Variants in PDE12 observed in about 807,000 individuals in gnomAD.
PDE12 encodes phosphodiesterase 12.
Under a neutral mutation model 45.4 loss-of-function variants are expected in PDE12, and 26 were observed. The ratio of observed to expected loss-of-function variants is 0.57; its 90% confidence interval spans 0.42 to 0.79. The LOEUF (loss-of-function observed/expected upper bound fraction) is 0.79. Ranked by LOEUF, PDE12 falls within the 30% of genes least tolerant of loss-of-function variation. The pLI is 0.00. For missense variants in PDE12, 668 were observed against 790.0 expected (o/e 0.85, Z 1.85); for synonymous variants, 283 against 323.9 (o/e 0.87, Z 1.36).
chr3:57,629,050 TA>T, the PDE12 span, among the ~76,000 whole-genome samples: 1,995 of 152,348 alleles, frequency 0.013, 48 homozygotes, highest in African/African-American at 0.045. Flanking sequence ...CATAATATTC[TA>T]ATAACTGTTA....
At chr3:57,622,265 A>C in the PDE12 span, among the ~76,000 whole-genome samples, 2 of 152,232 alleles carry the variant, frequency 1.3e-5, no homozygotes, top group East Asian at 1.9e-4. Context: ...CATAATAAGC[A>C]AAAGGTTTGA....
At chr3:57,618,015 A>G in the PDE12 span, among the ~76,000 whole-genome samples, 1 of 152,242 alleles carries the variant, frequency 6.6e-6, no homozygotes, top group Admixed American at 6.5e-5. Context: ...CATTATCCTT[A>G]GCAAATTAAT....
Position 57,565,187 on chromosome 3 carries a change from C to CT in PDE12, c.*5184dup, listed in dbSNP as rs1475522801. On this transcript the variant is annotated 3_prime_UTR_variant, in exon 3 of 3. Transcript: ENST00000311180. ...ATTGTTTGTAGAGATGGGGGTCTCT[C>CT]TATGTTGCCCAGACTGGTCTTAAAC... 2.0e-5 allele frequency: 3 copies of CT among 152,082 alleles called. No individual in the cohort carries two copies. Among genetic ancestry groups the CT allele is most frequent in the Non-Finnish European group, 4.4e-5 (3 of 68,054 alleles). The allele number at this position is 152,082 out of a possible 1,614,324, so 9.4% of individuals were successfully genotyped here. A position where few individuals can be genotyped will look rare whatever the true frequency, so the allele number is the denominator to read the frequency against.
the PDE12 span, chr3:57,641,790 A>G: frequency 6.6e-7 from 1 of 1,508,546 alleles, no homozygotes; most frequent in Non-Finnish European, 9.1e-7. Flanking sequence ...GGTGAGAAAA[A>G]GATGAATGCT....
At chr3:57,569,560 T>C (rs563418823), downstream of PDE12, among the ~76,000 whole-genome samples, 10 of 152,186 alleles carry the variant, frequency 6.6e-5, no homozygotes, top group South Asian at 6.2e-4. Context: ...CCATGTTTGT[T>C]AGTCAGTCTG....
At chr3:57,569,352 T>TTTA (rs547476547), downstream of PDE12, among the ~76,000 whole-genome samples, 7 of 151,974 alleles carry the variant, frequency 4.6e-5, no homozygotes, top group East Asian at 1.9e-4. Context: ...TTGCTAATAC[T>TTTA]TTATTATTAT....
chr3:57,598,358 C>T, the PDE12 span: 1 of 152,162 alleles, frequency 6.6e-6, no homozygotes, highest in African/African-American at 2.4e-5. Flanking sequence ...GAAAAACTTG[C>T]AAACTTTCAG....
chr3:57,646,227 C>A, the PDE12 span: 1 of 1,499,530 alleles, frequency 6.7e-7, no homozygotes, highest in South Asian at 1.3e-5. Flanking sequence ...AAAAATACGA[C>A]AGGTGGGAAG....
At chr3:57,596,697 G>A in the PDE12 span, 1 of 230,364 alleles carries the variant, frequency 4.3e-6, no homozygotes, top group Non-Finnish European at 8.8e-6. Flanking sequence ...CCTGACCGCT[G>A]TCCACACCCG....
At chr3:57,637,723 C>A in the PDE12 span, among the ~76,000 whole-genome samples, 1 of 136,210 alleles carries the variant, frequency 7.3e-6, no homozygotes. Context: ...ATGACTATGA[C>A]ACCAAATATA....
chr3:57,580,185 A>G, the PDE12 span, among the ~76,000 whole-genome samples: 1 of 152,094 alleles, frequency 6.6e-6, no homozygotes, highest in South Asian at 2.1e-4. Flanking sequence ...ATCTTATACT[A>G]CTTGTTATAT....
At chr3:57,595,803 T>A in the PDE12 span, among the ~76,000 whole-genome samples, 1 of 151,794 alleles carries the variant, frequency 6.6e-6, no homozygotes, top group Non-Finnish European at 1.5e-5. Context: ...TACAAAAAAT[T>A]AGCCAGGCGT....
chr3:57,646,067 T>C, the PDE12 span, among the ~76,000 whole-genome samples: 1 of 152,200 alleles, frequency 6.6e-6, no homozygotes, highest in Non-Finnish European at 1.5e-5. Flanking sequence ...CTTCATGTAA[T>C]GAATCAATGT....
the PDE12 span, among the ~76,000 whole-genome samples, chr3:57,654,468 CT>C: frequency 6.6e-6 from 1 of 152,110 alleles, no homozygotes; most frequent in Non-Finnish European, 1.5e-5. Context: ...GCCAAAATAA[CT>C]TGTTTCTCAA....
the PDE12 span, chr3:57,598,159 A>G: frequency 1.3e-5 from 2 of 150,798 alleles, no homozygotes; most frequent in South Asian, 4.4e-4. Context: ...AAAAGTGTTT[A>G]TGATCGGGCC....
At chr3:57,627,733 TG>T in the PDE12 span, 2 of 153,382 alleles carry the variant, frequency 1.3e-5, no homozygotes, top group Non-Finnish European at 2.9e-5. Context: ...CTGTGAAACA[TG>T]TAGGACAACA....
chr3:57,654,580 T>C, the PDE12 span: 7 of 942,860 alleles, frequency 7.4e-6, no homozygotes, highest in Non-Finnish European at 8.8e-6. Context: ...TCAAGTAAAA[T>C]GTCCCTGACT....
At chr3:57,570,229 T>TTTTG (rs772137493), downstream of PDE12, among the ~76,000 whole-genome samples, 10 of 144,494 alleles carry the variant, frequency 6.9e-5, no homozygotes, top group Non-Finnish European at 1.2e-4. Flanking sequence ...GTTTTTTTTT[T>TTTTG]TTTTTTTTTT....
At chr3:57,614,552 T>TG in the PDE12 span, among the ~76,000 whole-genome samples, 6 of 105,270 alleles carry the variant, frequency 5.7e-5, no homozygotes, top group Admixed American at 1.1e-4. Context: ...TTGTTTTTTT[T>TG]TTTTTTTTTT....
Sources: allele counts gnomAD v4.1 joint callset (sites outside exome capture counted in the v4.1 genomes callset), GRCh38; gene constraint gnomAD v4.1.1; transcripts MANE v1.5; gene names NCBI Gene and HGNC (gene_info 2026-07-23, HGNC 2026-07-21).